SPAG16: variants seen among roughly 807,000 people sequenced by gnomAD.
SPAG16 encodes the protein sperm associated antigen 16.
A neutral mutation model predicts 80.4 loss-of-function variants in SPAG16; 86 were observed. The ratio of observed to expected loss-of-function variants is 1.07; its 90% CI spans 0.90 to 1.28. The LOEUF is 1.28. Ranked by LOEUF, SPAG16 falls within the 50% of genes most tolerant of loss-of-function variation. SPAG16 has a pLI of 0.00. For missense variants in SPAG16, 870 were observed against 765.3 expected, an observed-to-expected ratio of 1.14 and a Z score of -1.61; for synonymous variants, 294 against 265.9, an observed-to-expected ratio of 1.11 and a Z score of -1.03.
chr2:213,613,422 C>T (rs1277050064), intron 10 of SPAG16, among the ~76,000 whole-genome samples: 1 of 152,210 alleles, frequency 6.6e-6, no homozygotes, highest in Non-Finnish European at 1.5e-5. Context: ...GCTCACTCCA[C>T]CCCTTACTGG....
intron 15 of SPAG16, among the ~76,000 whole-genome samples, chr2:214,311,308 G>A (rs1695297238): frequency 6.6e-6 from 1 of 152,164 alleles, no homozygotes; most frequent in African/African-American, 2.4e-5. Context: ...CGTGGGTTTT[G>A]AGGTTCCCTG....
intron 15 of SPAG16, among the ~76,000 whole-genome samples, chr2:214,286,752 TAAAC>T (rs202070889): frequency 0.018 from 2,792 of 152,094 alleles, 56 homozygotes; most frequent in African/African-American, 0.044. Flanking sequence ...GTCTCAAAAA[TAAAC>T]AAATAAATAA....
At chr2:214,292,827 TTA>T (rs1238177781) in intron 15 of SPAG16, among the ~76,000 whole-genome samples, 1 of 152,212 alleles carries the variant, frequency 6.6e-6, no homozygotes, top group Non-Finnish European at 1.5e-5. Flanking sequence ...TCCTGAAGAT[TTA>T]TATATGTTGT....
At chr2:213,911,604 C>T (rs2077668861) in intron 11 of SPAG16, among the ~76,000 whole-genome samples, 1 of 151,956 alleles carries the variant, frequency 6.6e-6, no homozygotes, top group African/African-American at 2.4e-5. Flanking sequence ...TTTTGGTTGT[C>T]CCAAACTTGA....
chr2:213,731,409 C>T (rs1188166768), intron 10 of SPAG16, among the ~76,000 whole-genome samples: 1 of 151,430 alleles, frequency 6.6e-6, no homozygotes, highest in African/African-American at 2.4e-5. Context: ...ATCCATCCAC[C>T]TCGGCCTCCC....
chr2:213,659,118 T>C lies in SPAG16; in HGVS notation c.1070+169028T>C, dbSNP rs183633406. 1.0e-3 allele frequency among the ~76,000 whole-genome samples: 157 copies of C among 152,364 alleles called. 1 individual carries two copies. Among genetic ancestry groups the C allele is most frequent in the African/African-American group, 3.5e-3 (147 of 41,594 alleles). On this transcript the variant is annotated intron_variant, in intron 10 of 15. Coordinates refer to ENST00000331683, the MANE Select transcript of SPAG16 (RefSeq NM_024532.5). ...ATTTAGAAACCTTTGTGCATTATTG[T>C]GTATTCTTCAATAGCTCTTATGTCT...
At chr2:214,355,666 T>C (rs1054037968) in intron 15 of SPAG16, among the ~76,000 whole-genome samples, 2 of 151,340 alleles carry the variant, frequency 1.3e-5, no homozygotes, top group African/African-American at 4.8e-5. Context: ...AGCCATCCCA[T>C]TACTGGGTAT....
intron 15 of SPAG16, among the ~76,000 whole-genome samples, chr2:214,390,509 G>C (rs4287766): frequency 0.049 from 7,407 of 152,034 alleles, 578 homozygotes; most frequent in African/African-American, 0.17. Context: ...GGCTCACTTT[G>C]AGCACAAACT....
At chr2:213,673,938 T>C (rs939091253) in intron 10 of SPAG16, among the ~76,000 whole-genome samples, 1 of 152,144 alleles carries the variant, frequency 6.6e-6, no homozygotes, top group Non-Finnish European at 1.5e-5. Flanking sequence ...ATATGAAATA[T>C]TAACAACTTT....
At chr2:214,056,528 T>TA (rs34787452) in intron 13 of SPAG16, among the ~76,000 whole-genome samples, 94,699 of 149,228 alleles carry the variant, frequency 0.63, 30,196 homozygotes, top group African/African-American at 0.68. Flanking sequence ...TACTTATTGG[T>TA]AAAAAAAAAA....
intron 15 of SPAG16, among the ~76,000 whole-genome samples, chr2:214,277,662 T>C (rs1692573217): frequency 6.6e-6 from 1 of 152,184 alleles, no homozygotes; most frequent in South Asian, 2.1e-4. Flanking sequence ...ATTGCTGCCT[T>C]ATCCTTCTTC....
At chr2:213,502,360 C>T (rs1170962072) in intron 10 of SPAG16, among the ~76,000 whole-genome samples, 6 of 152,016 alleles carry the variant, frequency 3.9e-5, no homozygotes, top group Middle Eastern at 6.3e-3. Context: ...TGGGCTCAAG[C>T]GATTCTTCTG....
chr2:213,358,627 C>G (rs1049322304), intron 7 of SPAG16, among the ~76,000 whole-genome samples: 1 of 152,178 alleles, frequency 6.6e-6, no homozygotes, highest in African/African-American at 2.4e-5. Flanking sequence ...AAGGTCTTCT[C>G]TGTACTGTTT....
At chr2:213,793,599 G>T (rs1368655570) in intron 10 of SPAG16, among the ~76,000 whole-genome samples, 4 of 152,140 alleles carry the variant, frequency 2.6e-5, no homozygotes, top group Admixed American at 2.6e-4. Context: ...CAAGTGTCTA[G>T]TTTTCTGTAA....
intron 10 of SPAG16, among the ~76,000 whole-genome samples, chr2:213,571,878 T>A (rs2059923864): frequency 7.3e-6 from 1 of 137,034 alleles, no homozygotes; most frequent in African/African-American, 3.3e-5. Flanking sequence ...GGTACACCAA[T>A]CAGACATAGA....
chr2:214,083,657 G>A (rs892178549), intron 13 of SPAG16, among the ~76,000 whole-genome samples: 2 of 152,034 alleles, frequency 1.3e-5, no homozygotes, highest in Non-Finnish European at 2.9e-5. Context: ...CTGGGGATCT[G>A]TCCCCCAACA....
At chr2:214,190,341 G>T (rs1365481299) in intron 15 of SPAG16, among the ~76,000 whole-genome samples, 3 of 152,010 alleles carry the variant, frequency 2.0e-5, no homozygotes, top group African/African-American at 7.2e-5. Flanking sequence ...TTATATAGGA[G>T]AAATAATTTG....
chr2:214,292,438 G>T (rs1291099053), intron 15 of SPAG16, among the ~76,000 whole-genome samples: 3 of 151,766 alleles, frequency 2.0e-5, no homozygotes, highest in Admixed American at 1.3e-4. Context: ...GCTTAATCTT[G>T]TTTATTATTG....
At chr2:213,972,790 T>C (rs928054549) in intron 12 of SPAG16, among the ~76,000 whole-genome samples, 4 of 152,212 alleles carry the variant, frequency 2.6e-5, no homozygotes, top group Non-Finnish European at 5.9e-5. Context: ...TTATATATTC[T>C]GGATATATAT....
Sources: allele counts gnomAD v4.1 joint callset (sites outside exome capture counted in the v4.1 genomes callset), GRCh38; gene constraint gnomAD v4.1.1; transcripts MANE v1.5; gene names NCBI Gene and HGNC (gene_info 2026-07-23, HGNC 2026-07-21).